IMMP2L: variants seen among roughly 807,000 people sequenced by gnomAD.
IMMP2L encodes the protein mitochondrial inner membrane protease subunit 2.
IMMP2L carries 18 observed loss-of-function variants against 19.3 expected under a neutral mutation model. That is an observed-to-expected ratio of 0.93 (90% confidence interval 0.64 to 1.38). The LOEUF is 1.38. Ranked by LOEUF, IMMP2L falls within the 40% of genes most tolerant of loss-of-function variation. The pLI, the probability that IMMP2L is intolerant of heterozygous loss-of-function variation, is 0.00. For missense variants in IMMP2L, 233 were observed against 218.2 expected, an observed-to-expected ratio of 1.07 and a Z score of -0.43; for synonymous variants, 76 against 73.0, an observed-to-expected ratio of 1.04 and a Z score of -0.21.
In IMMP2L at chr7:111,213,776, A is replaced by C. The variant is rs2129619268; in HGVS notation, c.240-250211T>G. Reference sequence around the variant, plus strand: ...CCACACCAGAGTCTCCTATCTAATGAGCGCTGAACATTTGAAGGAATGACC... The same window carrying C: ...CCACACCAGAGTCTCCTATCTAATGCGCGCTGAACATTTGAAGGAATGACC... On this transcript the variant is annotated intron_variant, in intron 3 of 5. Transcript: ENST00000405709. The surrounding 1 kb of genome is among the most constrained non-coding windows in gnomAD (Gnocchi z 4.8). 6.6e-6 allele frequency among the ~76,000 whole-genome samples: 1 copy of C among 152,260 alleles called. No homozygotes were observed. The highest frequency in any genetic ancestry group is 2.4e-5 in the African/African-American group (1 of 41,552).
At chr7:111,127,835 T>A (rs1485892791) in intron 3 of IMMP2L, among the ~76,000 whole-genome samples, 1 of 152,202 alleles carries the variant, frequency 6.6e-6, no homozygotes, top group East Asian at 1.9e-4. Context: ...TTTGAAGAAT[T>A]ACATATTTTA....
At chr7:111,046,019 C>G (rs1331398801) in intron 3 of IMMP2L, among the ~76,000 whole-genome samples, 1 of 151,802 alleles carries the variant, frequency 6.6e-6, no homozygotes, top group Non-Finnish European at 1.5e-5. Flanking sequence ...GAGAAATACT[C>G]ACTAGATAAA....
chr7:110,787,050 T>A (rs1170019442), intron 5 of IMMP2L, among the ~76,000 whole-genome samples: 2 of 151,914 alleles, frequency 1.3e-5, no homozygotes, highest in African/African-American at 4.8e-5. Flanking sequence ...AGAAAAAAAA[T>A]ACAATTTTAT....
chr7:111,163,970 A>G (rs758996388), intron 3 of IMMP2L, among the ~76,000 whole-genome samples: 11 of 152,084 alleles, frequency 7.2e-5, no homozygotes, highest in Non-Finnish European at 1.5e-4. Flanking sequence ...ATAGCACAAA[A>G]GATCTGAAAT....
Position 110,758,102 on chromosome 7 carries a change from A to AGGAAGGAT in IMMP2L, c.409-94389_409-94382dup, listed in dbSNP as rs1798137364. Among the ~76,000 whole-genome samples the AGGAAGGAT allele has an allele frequency of 6.6e-6, 1 of 152,090 alleles. No individual in the cohort carries two copies. Among genetic ancestry groups the AGGAAGGAT allele is most frequent in the African/African-American group, 2.4e-5 (1 of 41,426 alleles). On this transcript the variant is annotated intron_variant, in intron 5 of 5. Coordinates refer to ENST00000405709, the MANE Select transcript of IMMP2L (RefSeq NM_032549.4). This position sits in a 1 kb window ranked among gnomAD's most constrained non-coding sequence, Gnocchi z 4.6. ...AGGGAAGAAAATGTTTCAAGGAGGA[A>AGGAAGGAT]GGAAGGATGGAGCTAGTATGTTAAT...
At chr7:111,347,957 T>TA (rs372347400) in intron 3 of IMMP2L, among the ~76,000 whole-genome samples, 45 of 150,984 alleles carry the variant, frequency 3.0e-4, no homozygotes, top group Admixed American at 1.8e-3. Context: ...TATGCAGCCA[T>TA]AAAAAAAAGG....
chr7:110,968,324 C>G (rs1205167584), intron 3 of IMMP2L, among the ~76,000 whole-genome samples: 1 of 151,710 alleles, frequency 6.6e-6, no homozygotes. Flanking sequence ...AAATTTATTT[C>G]TCTTGAAAAA....
chr7:111,426,035 AG>A (rs1836040347), intron 3 of IMMP2L, among the ~76,000 whole-genome samples: 1 of 151,134 alleles, frequency 6.6e-6, no homozygotes, highest in South Asian at 2.1e-4. Flanking sequence ...CACGACAGGG[AG>A]GGCATTTTCG....
At chr7:111,065,394 C>T (rs544792015) in intron 3 of IMMP2L, among the ~76,000 whole-genome samples, 2 of 152,192 alleles carry the variant, frequency 1.3e-5, no homozygotes, top group East Asian at 3.9e-4. Context: ...GGTATGATCT[C>T]AGGAGATGTG....
At chr7:111,154,487 A>C (rs1242411468) in intron 3 of IMMP2L, among the ~76,000 whole-genome samples, 1 of 152,192 alleles carries the variant, frequency 6.6e-6, no homozygotes, top group African/African-American at 2.4e-5. Flanking sequence ...CCATGAAAAG[A>C]ACATCCCTTT....
chr7:111,360,582 C>G (rs994314373), intron 3 of IMMP2L, among the ~76,000 whole-genome samples: 2 of 152,112 alleles, frequency 1.3e-5, no homozygotes, highest in African/African-American at 4.8e-5. Flanking sequence ...CTTTTGGAAG[C>G]TGAGGTAGAA....
intron 3 of IMMP2L, among the ~76,000 whole-genome samples, chr7:111,060,457 C>A (rs1793918300): frequency 6.6e-6 from 1 of 152,170 alleles, no homozygotes; most frequent in Admixed American, 6.5e-5. Flanking sequence ...CTGCACATAA[C>A]CTTCGGCTTT....
At chr7:111,351,819 T>C (rs951117415) in intron 3 of IMMP2L, among the ~76,000 whole-genome samples, 2 of 152,226 alleles carry the variant, frequency 1.3e-5, no homozygotes, top group Non-Finnish European at 2.9e-5. Context: ...TTGTATCATA[T>C]ATCCAATGCA....
At chr7:110,867,558 A>G (rs1376883659) in intron 5 of IMMP2L, among the ~76,000 whole-genome samples, 1 of 152,092 alleles carries the variant, frequency 6.6e-6, no homozygotes, top group Non-Finnish European at 1.5e-5. Flanking sequence ...GGGACCTGAA[A>G]GATGATAAAT....
rs552658444 is a variant in IMMP2L, at chr7:110,886,872, T to C, written c.306-177A>G. On this transcript the variant is annotated intron_variant, in intron 4 of 5. Coordinates refer to ENST00000405709, the MANE Select transcript of IMMP2L (RefSeq NM_032549.4). ...GGTTAGAGCAATTTGAATCTATTCA[T>C]AGCATTTTTTCTTTTTATATTTCTA... Among the ~76,000 whole-genome samples the C allele has an allele frequency of 9.2e-5, 14 of 152,282 alleles. No individual in the cohort carries two copies. In the South Asian group the frequency reaches 2.9e-3, roughly 32 times the overall value.
At chr7:110,937,626 A>G (rs1816268899) in intron 4 of IMMP2L, among the ~76,000 whole-genome samples, 1 of 152,202 alleles carries the variant, frequency 6.6e-6, no homozygotes, top group African/African-American at 2.4e-5. Flanking sequence ...CAACCCCCAT[A>G]CAACTGGGAA....
chr7:111,083,548 AAG>A (rs1227792059), intron 3 of IMMP2L, among the ~76,000 whole-genome samples: 29 of 152,304 alleles, frequency 1.9e-4, no homozygotes, highest in Non-Finnish European at 4.1e-4. Context: ...AAGATCACTG[AAG>A]AGAAGAAAAT....
At chr7:111,519,845 T>G (rs973246963) in intron 2 of IMMP2L, among the ~76,000 whole-genome samples, 3 of 152,044 alleles carry the variant, frequency 2.0e-5, no homozygotes, top group Non-Finnish European at 4.4e-5. Flanking sequence ...GATAGCTGTA[T>G]AGCAAGACAG....
chr7:111,014,997 G>A (rs954303674), intron 3 of IMMP2L, among the ~76,000 whole-genome samples: 1 of 152,140 alleles, frequency 6.6e-6, no homozygotes, highest in Non-Finnish European at 1.5e-5. Flanking sequence ...CAGTAAGGAG[G>A]TTCCTCAAAA....
Sources: allele counts gnomAD v4.1 joint callset (sites outside exome capture counted in the v4.1 genomes callset), GRCh38; gene constraint gnomAD v4.1.1; non-coding constraint Gnocchi (gnomAD v3.1); transcripts MANE v1.5; gene names NCBI Gene and HGNC (gene_info 2026-07-23, HGNC 2026-07-21).